Variants in NALF1 observed in about 807,000 individuals in gnomAD.
The protein encoded by NALF1 is family with sequence similarity 155 member A.
NALF1 carries 3 observed loss-of-function variants against 48.4 expected under a neutral mutation model. The ratio of observed to expected loss-of-function variants is 0.06; its 90% confidence interval spans 0.03 to 0.16. The LOEUF (loss-of-function observed/expected upper bound fraction) is 0.16. NALF1 is among the 10% of genes least tolerant of loss of function. NALF1 has a pLI of 1.00. For missense variants in NALF1, 526 were observed against 571.5 expected, an observed-to-expected ratio of 0.92 and a Z score of 0.81; for synonymous variants, 262 against 245.7, an observed-to-expected ratio of 1.07 and a Z score of -0.62.
At chr13:107,175,002 G>C (rs1424645245) in intron 2 of NALF1, among the ~76,000 whole-genome samples, 1 of 145,362 alleles carries the variant, frequency 6.9e-6, no homozygotes, top group Non-Finnish European at 1.5e-5. Context: ...TCCTGCCTCA[G>C]CCTCCCGAGT....
rs558255282 is a variant in NALF1 at position 107,392,443 on chromosome 13, C to T, written c.916-181688G>A. On this transcript the variant is annotated intron_variant, in intron 1 of 2. Transcript: ENST00000375915. ...CTGCTAAACACTCATGCATCCTTTT[C>T]CTAACAAATTCTGATAGCAGAGATA... Among the ~76,000 whole-genome samples, 65 of 152,222 alleles carry T rather than the reference C, an allele frequency of 4.3e-4. No individual in the cohort carries two copies. In the East Asian group the frequency reaches 0.011, roughly 26 times the overall value.
intron 1 of NALF1, among the ~76,000 whole-genome samples, chr13:107,300,760 T>C (rs562113932): frequency 3.9e-5 from 6 of 152,326 alleles, no homozygotes; most frequent in African/African-American, 1.4e-4. Context: ...ATAAATAGCT[T>C]GTTGAAATGT....
intron 2 of NALF1, among the ~76,000 whole-genome samples, chr13:107,171,117 C>A (rs1173963189): frequency 6.6e-6 from 1 of 152,174 alleles, no homozygotes; most frequent in African/African-American, 2.4e-5. Context: ...TGCAGTCATC[C>A]TTTCTTCTTT....
At chr13:107,714,584 G>A (rs1195349269) in intron 1 of NALF1, among the ~76,000 whole-genome samples, 1 of 139,416 alleles carries the variant, frequency 7.2e-6, no homozygotes, top group Non-Finnish European at 1.5e-5. Context: ...AGCCGAGATT[G>A]CACCACCGCA....
At chr13:107,292,219 A>G (rs1881634797) in intron 1 of NALF1, among the ~76,000 whole-genome samples, 1 of 152,216 alleles carries the variant, frequency 6.6e-6, no homozygotes, top group South Asian at 2.1e-4. Context: ...AAGGTACTGT[A>G]AAAATACAGT....
intron 1 of NALF1, among the ~76,000 whole-genome samples, chr13:107,525,497 C>T (rs116393556): frequency 0.036 from 5,506 of 152,152 alleles, 172 homozygotes; most frequent in African/African-American, 0.086. Context: ...AGTTGTACCA[C>T]AGTTTGTTCA....
At chr13:107,431,397 G>A (rs754346190) in intron 1 of NALF1, among the ~76,000 whole-genome samples, 2 of 152,072 alleles carry the variant, frequency 1.3e-5, no homozygotes, top group Non-Finnish European at 2.9e-5. Flanking sequence ...ACACACATGC[G>A]CATGCGTGCA....
At chr13:107,261,536 C>T (rs564154155) in intron 1 of NALF1, among the ~76,000 whole-genome samples, 2 of 152,284 alleles carry the variant, frequency 1.3e-5, no homozygotes, top group African/African-American at 4.8e-5. Flanking sequence ...ACTCATAGGA[C>T]CAAAATGGTA....
At chr13:107,332,249 A>G (rs961273731) in intron 1 of NALF1, among the ~76,000 whole-genome samples, 2 of 152,170 alleles carry the variant, frequency 1.3e-5, no homozygotes, top group Non-Finnish European at 2.9e-5. Flanking sequence ...CCCCACTCAA[A>G]TCACCCAGCT....
At chr13:107,550,548 C>A (rs978022344) in intron 1 of NALF1, among the ~76,000 whole-genome samples, 6 of 152,170 alleles carry the variant, frequency 3.9e-5, no homozygotes, top group Non-Finnish European at 8.8e-5. Flanking sequence ...CCGCCAGCAT[C>A]TCTCTCATTG....
chr13:107,569,510 G>A (rs1018174716), intron 1 of NALF1, among the ~76,000 whole-genome samples: 2 of 151,430 alleles, frequency 1.3e-5, no homozygotes, highest in Admixed American at 1.3e-4. Flanking sequence ...CTCATCCACC[G>A]AATTAGTTTT....
intron 1 of NALF1, among the ~76,000 whole-genome samples, chr13:107,796,595 T>G (rs1878431310): frequency 1.3e-5 from 2 of 152,162 alleles, no homozygotes; most frequent in Admixed American, 6.5e-5. Flanking sequence ...AGTACTACTC[T>G]CGCTGCTTTA....
At chr13:107,371,293 A>C (rs1883244233) in intron 1 of NALF1, among the ~76,000 whole-genome samples, 1 of 152,028 alleles carries the variant, frequency 6.6e-6, no homozygotes, top group Non-Finnish European at 1.5e-5. Flanking sequence ...CAAAAAATTG[A>C]AAAATTAGCC....
At chr13:107,864,048 G>A (rs1193514312) in intron 1 of NALF1, among the ~76,000 whole-genome samples, 1 of 152,160 alleles carries the variant, frequency 6.6e-6, no homozygotes, top group African/African-American at 2.4e-5. Flanking sequence ...ATTAGAAGAC[G>A]TAGAGTTTCC....
At chr13:107,683,779 T>G (rs1166161085) in intron 1 of NALF1, among the ~76,000 whole-genome samples, 2 of 152,186 alleles carry the variant, frequency 1.3e-5, no homozygotes, top group Non-Finnish European at 2.9e-5. Context: ...CCTGCACAGA[T>G]GCATTTCTGC....
chr13:107,612,342 G>C (rs1483572451), intron 1 of NALF1, among the ~76,000 whole-genome samples: 4 of 152,088 alleles, frequency 2.6e-5, no homozygotes, highest in African/African-American at 9.7e-5. Context: ...CTAGAGATCT[G>C]TTGTATAACT....
At chr13:107,399,606 C>T (rs1363606087) in intron 1 of NALF1, among the ~76,000 whole-genome samples, 1 of 152,050 alleles carries the variant, frequency 6.6e-6, no homozygotes, top group Non-Finnish European at 1.5e-5. Context: ...CTTTTACCTA[C>T]AAAATGCTTG....
intron 2 of NALF1, among the ~76,000 whole-genome samples, chr13:107,186,705 T>C (rs910435960): frequency 6.6e-6 from 1 of 152,234 alleles, no homozygotes; most frequent in Non-Finnish European, 1.5e-5. Context: ...AACAGCACTC[T>C]GCTTTTAGCA....
intron 1 of NALF1, among the ~76,000 whole-genome samples, chr13:107,358,102 C>T (rs1882994729): frequency 6.6e-6 from 1 of 151,870 alleles, no homozygotes; most frequent in South Asian, 2.1e-4. Flanking sequence ...AGACATGTGT[C>T]TGTGGATATA....
Sources: allele counts gnomAD v4.1 joint callset (sites outside exome capture counted in the v4.1 genomes callset), GRCh38; gene constraint gnomAD v4.1.1; transcripts MANE v1.5; gene names NCBI Gene and HGNC (gene_info 2026-07-23, HGNC 2026-07-21).